Variants in FBXL17 observed in about 807,000 individuals in gnomAD.
FBXL17 encodes F-box/LRR-repeat protein 17.
FBXL17 carries 22 observed loss-of-function variants against 66.2 expected under a neutral mutation model. That is an observed-to-expected ratio of 0.33 (90% CI 0.24 to 0.47). The LOEUF (loss-of-function observed/expected upper bound fraction) is 0.47. Among genes scored for constraint, FBXL17 ranks in the 20% least tolerant of loss-of-function variants. The pLI is 1.00. For synonymous variants in FBXL17, 474 were observed against 400.5 expected (o/e 1.18, Z -2.19); for missense variants, 878 against 948.2 (o/e 0.93, Z 0.97).
chr5:107,909,328 T>C (rs904899590), intron 7 of FBXL17, among the ~76,000 whole-genome samples: 15 of 152,168 alleles, frequency 9.9e-5, no homozygotes, highest in Admixed American at 4.6e-4. Context: ...CAAATAATGA[T>C]ACCTACTGTA....
At chr5:108,244,039 A>G (rs941820815) in intron 4 of FBXL17, among the ~76,000 whole-genome samples, 4 of 152,140 alleles carry the variant, frequency 2.6e-5, no homozygotes, top group Admixed American at 1.3e-4. Context: ...CGAACTGTCT[A>G]TGGTTCTTTT....
chr5:107,978,616 A>G (rs1206677389), intron 7 of FBXL17, among the ~76,000 whole-genome samples: 1 of 152,160 alleles, frequency 6.6e-6, no homozygotes, highest in Non-Finnish European at 1.5e-5. Context: ...CAATCTGTCT[A>G]TGGCCCTGAC....
chr5:108,030,237 C>G (rs1580349460), intron 6 of FBXL17, among the ~76,000 whole-genome samples: 1 of 152,124 alleles, frequency 6.6e-6, no homozygotes, highest in Non-Finnish European at 1.5e-5. Context: ...AGTCACCAGT[C>G]TATTCCCTCT....
At chr5:108,027,070 A>C (rs1051833076) in intron 6 of FBXL17, among the ~76,000 whole-genome samples, 3 of 152,164 alleles carry the variant, frequency 2.0e-5, no homozygotes, top group Non-Finnish European at 4.4e-5. Context: ...AAAAAGTAAT[A>C]TACCAACAAA....
chr5:107,976,092 C>T (rs554553488), intron 7 of FBXL17, among the ~76,000 whole-genome samples: 221 of 152,218 alleles, frequency 1.5e-3, no homozygotes, highest in South Asian at 2.5e-3. Flanking sequence ...CTCCTGACCT[C>T]ATAATCTGCC....
chr5:107,908,701 G>GT (rs1749845406), intron 7 of FBXL17, among the ~76,000 whole-genome samples: 1 of 152,178 alleles, frequency 6.6e-6, no homozygotes, highest in South Asian at 2.1e-4. Flanking sequence ...GGACTGCGGG[G>GT]CAAAGGCCCT....
rs193178408 is a variant in FBXL17 at position 108,043,095 on chromosome 5, A to G, written c.1746-22094T>C. Among the ~76,000 whole-genome samples the G allele has an allele frequency of 2.8e-3, 431 of 152,274 alleles. 2 individuals are homozygous for G. Among genetic ancestry groups the G allele is most frequent in the Middle Eastern group, 0.01 (3 of 294 alleles). On this transcript the variant is annotated intron_variant, in intron 6 of 8. Transcript: ENST00000542267. ...GGCTTGTTTTTAATTATAAAATTTC[A>G]AAGTACTTTCTATATGCGATACGTT...
In FBXL17 at chr5:108,370,511, G is replaced by A. The variant is rs539193438; in HGVS notation, c.994-2558C>T. On this transcript the variant is annotated intron_variant, in intron 1 of 8. Transcript: ENST00000542267. ...TGTAATCCCAACACTTTGGGAGGCC[G>A]AGGCAGGTGGATCATGAGGTCACGA... Among the ~76,000 whole-genome samples the A allele has an allele frequency of 3.3e-5, 5 of 152,260 alleles. No individual in the cohort carries two copies. In the East Asian group the frequency reaches 7.7e-4, roughly 24 times the overall value.
intron 4 of FBXL17, among the ~76,000 whole-genome samples, chr5:108,250,897 C>T (rs1375136578): frequency 2.0e-5 from 3 of 152,024 alleles, no homozygotes; most frequent in Non-Finnish European, 2.9e-5. Flanking sequence ...GAACCTTCCA[C>T]ATCAGCATGC....
At chr5:108,233,040 TAGG>T (rs991416234) in intron 4 of FBXL17, among the ~76,000 whole-genome samples, 1 of 151,796 alleles carries the variant, frequency 6.6e-6, no homozygotes, top group Non-Finnish European at 1.5e-5. Flanking sequence ...AGTAAATATC[TAGG>T]AGTAGAACTG....
At chr5:107,938,375 T>G (rs1047651140) in intron 7 of FBXL17, among the ~76,000 whole-genome samples, 2 of 152,180 alleles carry the variant, frequency 1.3e-5, no homozygotes, top group South Asian at 2.1e-4. Flanking sequence ...GAGAAAAAAC[T>G]ATGTGGGAAA....
chr5:108,209,239 T>C (rs567093357), intron 5 of FBXL17, among the ~76,000 whole-genome samples: 2 of 152,268 alleles, frequency 1.3e-5, no homozygotes, highest in Admixed American at 6.5e-5. Flanking sequence ...TCTAAATACA[T>C]AATCATGTCA....
chr5:108,269,228 A>T (rs917885850), intron 4 of FBXL17, among the ~76,000 whole-genome samples: 1 of 151,940 alleles, frequency 6.6e-6, no homozygotes, highest in Non-Finnish European at 1.5e-5. Context: ...ATCTTCTTGA[A>T]CCTACTGTTT....
Position 108,381,994 on chromosome 5 carries a change from C to A in FBXL17, c.-303G>T. On this transcript the variant is annotated 5_prime_UTR_variant, in exon 1 of 9. Coordinates refer to ENST00000542267, the MANE Select transcript of FBXL17 (RefSeq NM_001163315.3). ...GCCGGCTAGGCGACCAGTCCGGGCC[C>A]GGCCAGCCGGCTCAGTCAGTCAGCG... The A allele has an allele frequency of 8.6e-7, 1 of 1,167,948 alleles. No homozygotes were observed. The highest frequency in any genetic ancestry group is 1.1e-6 in the Non-Finnish European group (1 of 944,558). The allele number at this position is 1,167,948 out of a possible 1,614,324, so 72.3% of individuals were successfully genotyped here. A position where few individuals can be genotyped will look rare whatever the true frequency, so the allele number is the denominator to read the frequency against.
intron 6 of FBXL17, among the ~76,000 whole-genome samples, chr5:108,176,023 T>C (rs533190721): frequency 6.6e-6 from 1 of 152,304 alleles, no homozygotes; most frequent in East Asian, 1.9e-4. Flanking sequence ...TTGCCACTTT[T>C]GGTTTGGTGA....
In FBXL17 at chr5:108,381,860, A is replaced by C; in HGVS notation, c.-169T>G. ...CACGCGACGGTGGGGGGTGGGCGTC[A>C]GCTGCGGGCCGCCGGAGTGCCCGAC... On this transcript the variant is annotated 5_prime_UTR_variant, in exon 1 of 9. Transcript: ENST00000542267. 1 of 1,292,992 alleles carries C rather than the reference A, an allele frequency of 7.7e-7. No homozygotes were observed. Among genetic ancestry groups the C allele is most frequent in the South Asian group, 2.2e-5 (1 of 44,450 alleles). 80.1% of individuals were successfully genotyped at this position (1,292,992 alleles called of 1,614,324 possible).
chr5:107,973,932 G>A (rs1752483294), intron 7 of FBXL17, among the ~76,000 whole-genome samples: 1 of 151,962 alleles, frequency 6.6e-6, no homozygotes, highest in Admixed American at 6.6e-5. Flanking sequence ...CAACTTATGG[G>A]GCTGAATTAA....
Position 108,381,621 on chromosome 5 carries a change from C to A in FBXL17, c.71G>T (p.Cys24Phe). 1 of 1,491,690 alleles carries A rather than the reference C, an allele frequency of 6.7e-7. No individual in the cohort carries two copies. Among genetic ancestry groups the A allele is most frequent in the Non-Finnish European group, 8.9e-7 (1 of 1,125,826 alleles). 92.4% of individuals were successfully genotyped at this position (1,491,690 alleles called of 1,614,324 possible). ...CCTGAGGAGAGGGCGCCGGCGGCGG[C>A]ACCAACTGCAACAGCGAGGCCTCTT... ...SQKRPRCCSW[C>F]RRRRPLLRLP... Residue 24 changes from cysteine to phenylalanine, a missense_variant, in exon 1 of 9, where the codon TGC (cysteine) becomes TTC (phenylalanine). Physicochemically the swap from Cys to Phe is radical, Grantham distance 205 (BLOSUM62 -2). Coordinates refer to ENST00000542267, the MANE Select transcript of FBXL17 (RefSeq NM_001163315.3).
chr5:108,152,851 T>C (rs1378091188), intron 6 of FBXL17, among the ~76,000 whole-genome samples: 1 of 152,172 alleles, frequency 6.6e-6, no homozygotes, highest in African/African-American at 2.4e-5. Context: ...AAATTCAGAT[T>C]TAACTGGGCA....
Sources: gnomAD v4.1 joint callset for allele counts (sites outside exome capture counted in the v4.1 genomes callset) on GRCh38, gnomAD v4.1.1 for gene constraint, MANE v1.5 for transcripts, NCBI Gene and HGNC (gene_info 2026-07-23, HGNC 2026-07-21) for gene names.